ULK4: variants seen among roughly 807,000 people sequenced by gnomAD.
ULK4 encodes unc-51 like kinase 4.
In ULK4, 133 loss-of-function variants were observed where a neutral mutation model predicts 160.6. That is an observed-to-expected ratio of 0.83 (90% confidence interval 0.72 to 0.96). ULK4 has a LOEUF of 0.96. Among genes scored for constraint, ULK4 ranks in the 40% least tolerant of loss-of-function variants. ULK4 has a pLI of 0.00. For missense variants in ULK4, 1,580 were observed against 1,499.5 expected, an observed-to-expected ratio of 1.05 and a Z score of -0.89; for synonymous variants, 534 against 539.8, an observed-to-expected ratio of 0.99 and a Z score of 0.15.
chr3:41,699,323 C>T (rs1220544179), intron 27 of ULK4, among the ~76,000 whole-genome samples: 1 of 152,048 alleles, frequency 6.6e-6, no homozygotes, highest in African/African-American at 2.4e-5. Context: ...CCAGCCTTTC[C>T]CTGAAAAATT....
intron 36 of ULK4, among the ~76,000 whole-genome samples, chr3:41,248,959 G>T (rs532361504): frequency 6.6e-6 from 1 of 152,184 alleles, no homozygotes; most frequent in African/African-American, 2.4e-5. Flanking sequence ...GTCAGCTTCC[G>T]GGTGTCAAAT....
At chr3:41,937,417 C>A in intron 3 of ULK4, 3 of 652,500 alleles carry the variant, frequency 4.6e-6, no homozygotes, top group Non-Finnish European at 5.5e-6. Context: ...TTCTAAGTAT[C>A]AATATAAGTT....
intron 32 of ULK4, among the ~76,000 whole-genome samples, chr3:41,538,994 A>G (rs901534003): frequency 1.1e-4 from 16 of 148,874 alleles, no homozygotes; most frequent in South Asian, 2.1e-4. Flanking sequence ...ACAGACTAGT[A>G]TGGACATATA....
intron 5 of ULK4, 112 bp from the exon 6 acceptor site, chr3:41,919,930 A>G (rs950232560): frequency 6.9e-6 from 4 of 582,246 alleles, no homozygotes; most frequent in Middle Eastern, 2.8e-4. Context: ...AAACATGCGC[A>G]TGAATAAAAC....
At chr3:41,829,277 A>G (rs951605150) in intron 18 of ULK4, among the ~76,000 whole-genome samples, 3 of 146,926 alleles carry the variant, frequency 2.0e-5, no homozygotes, top group Non-Finnish European at 3.0e-5. Context: ...AATGGCAACA[A>G]AAGCCAAAAT....
chr3:41,683,668 G>T (rs570294477), intron 27 of ULK4, among the ~76,000 whole-genome samples: 2 of 150,946 alleles, frequency 1.3e-5, no homozygotes, highest in African/African-American at 4.9e-5. Flanking sequence ...TAACTTAATT[G>T]ACTCAGTCTG....
At chr3:41,642,200 T>G (rs1049992878) in intron 30 of ULK4, among the ~76,000 whole-genome samples, 1 of 152,182 alleles carries the variant, frequency 6.6e-6, no homozygotes, top group African/African-American at 2.4e-5. Context: ...TACTCTTTTT[T>G]TTTAATACTT....
At chr3:41,415,017 A>G (rs181110820) in intron 34 of ULK4, among the ~76,000 whole-genome samples, 104 of 152,344 alleles carry the variant, frequency 6.8e-4, no homozygotes, top group African/African-American at 2.5e-3. Context: ...TGAAAATCAC[A>G]GATAGGTAAG....
In ULK4 at chr3:41,830,656, G is replaced by C. The variant is rs77877727; in HGVS notation, c.1764+5208C>G. The stretch of plus-strand genomic sequence containing the variant: ...AAAAAAAGAAGAATTAGACTAGACT[G>C]TCATTATTGGTAAGACAGTAGACCA... On this transcript the variant is annotated intron_variant, in intron 18 of 36. Coordinates refer to ENST00000301831, the MANE Select transcript of ULK4 (RefSeq NM_017886.4). Among the ~76,000 whole-genome samples the C allele has an allele frequency of 3.3e-3, 495 of 152,230 alleles. 4 individuals are homozygous for C. Among genetic ancestry groups the C allele is most frequent in the Admixed American group, 7.3e-3 (112 of 15,280 alleles).
rs1219815741 is a variant in ULK4 at position 41,895,612 on chromosome 3, TA to T, written c.1531-49del. 2.4e-6 allele frequency: 3 copies of T among 1,254,764 alleles called. No homozygotes were observed. The African/African-American group carries it at 4.6e-5, about 19-fold the overall frequency. The allele number at this position is 1,254,764 out of a possible 1,614,324, so 77.7% of individuals were successfully genotyped here. A position where few individuals can be genotyped will look rare whatever the true frequency, so the allele number is the denominator to read the frequency against. The stretch of plus-strand genomic sequence containing the variant: ...AAAGAAAAGAAAAAATTAAAATGTT[TA>T]AGTCACAAAACACAGAAAATGACAG... On this transcript the variant is annotated intron_variant, in intron 15 of 36. Transcript: ENST00000301831.
At chr3:41,696,869 G>C (rs573570764) in intron 27 of ULK4, among the ~76,000 whole-genome samples, 1 of 152,262 alleles carries the variant, frequency 6.6e-6, no homozygotes, top group South Asian at 2.1e-4. Flanking sequence ...AGAGGTTAGA[G>C]AAAGATTTGA....
chr3:41,586,466 G>A (rs1321347281), intron 31 of ULK4, among the ~76,000 whole-genome samples: 1 of 152,114 alleles, frequency 6.6e-6, no homozygotes, highest in African/African-American at 2.4e-5. Flanking sequence ...ACAGAAAGTA[G>A]ACAGGTGACT....
At chr3:41,417,218 C>T (rs9852385) in intron 34 of ULK4, among the ~76,000 whole-genome samples, 74,581 of 151,914 alleles carry the variant, frequency 0.49, 19,303 homozygotes, top group African/African-American at 0.65. Context: ...CAGACTTAGA[C>T]GTGATTCTGG....
intron 30 of ULK4, among the ~76,000 whole-genome samples, chr3:41,621,202 T>C (rs768069678): frequency 5.9e-5 from 9 of 152,150 alleles, no homozygotes; most frequent in African/African-American, 1.4e-4. Context: ...AAGTAACTTA[T>C]AGATTCAATA....
intron 17 of ULK4, among the ~76,000 whole-genome samples, chr3:41,857,873 T>G (rs1052568818): frequency 1.3e-5 from 2 of 152,144 alleles, no homozygotes; most frequent in African/African-American, 4.8e-5. Flanking sequence ...TGGCTAAAGT[T>G]TGTCATTTTG....
intron 17 of ULK4, among the ~76,000 whole-genome samples, chr3:41,846,615 G>A (rs887663607): frequency 2.0e-5 from 3 of 152,050 alleles, no homozygotes; most frequent in African/African-American, 4.8e-5. Flanking sequence ...AACCAGCCTG[G>A]CCAACATGGT....
chr3:41,375,063 A>G lies in ULK4; in HGVS notation c.3678+23016T>C, dbSNP rs908650720. Among the ~76,000 whole-genome samples, 3 of 152,306 alleles carry G rather than the reference A, an allele frequency of 2.0e-5. 1 individual carries two copies. Among genetic ancestry groups the G allele is most frequent in the Admixed American group, 2.0e-4 (3 of 15,304 alleles). ...TACAAAGAGAATAAAATACCTAGGA[A>G]TACAATTTACAAGGGATGTGAAGGA... On this transcript the variant is annotated intron_variant, in intron 35 of 36. Transcript: ENST00000301831.
intron 35 of ULK4, among the ~76,000 whole-genome samples, chr3:41,332,274 G>A (rs1429498524): frequency 1.3e-5 from 2 of 151,676 alleles, no homozygotes; most frequent in Non-Finnish European, 2.9e-5. Context: ...TATTCCAAAA[G>A]CACCGATTAT....
rs117486137 is a variant in ULK4, at chr3:41,862,517, T to C, written c.1656+21357A>G. On this transcript the variant is annotated intron_variant, in intron 17 of 36. Coordinates refer to ENST00000301831, the MANE Select transcript of ULK4 (RefSeq NM_017886.4). ...GGTATTTATTATAGTCTTCACTGCC[T>C]GGGCTTATTTGTAGCCATCCTTCTT... 5.8e-4 allele frequency among the ~76,000 whole-genome samples: 89 copies of C among 152,344 alleles called. No homozygotes were observed. The East Asian group carries it at 0.016, about 27-fold the overall frequency.
Sources: gnomAD v4.1 joint callset for allele counts (sites outside exome capture counted in the v4.1 genomes callset) on GRCh38, gnomAD v4.1.1 for gene constraint, MANE v1.5 for transcripts, NCBI Gene and HGNC (gene_info 2026-07-23, HGNC 2026-07-21) for gene names.